Variants in SASH1 observed in about 807,000 individuals in gnomAD.
SASH1 encodes SAM and SH3 domain containing 1.
In SASH1, 44 loss-of-function variants were observed where a neutral mutation model predicts 125.2. The ratio of observed to expected loss-of-function variants is 0.35; its 90% CI spans 0.28 to 0.45. The LOEUF (loss-of-function observed/expected upper bound fraction) is 0.45, where lower values mean the gene tolerates loss of function less well. Ranked by LOEUF, SASH1 falls within the 20% of genes least tolerant of loss-of-function variation. SASH1 has a pLI of 1.00. For synonymous variants in SASH1, 639 were observed against 649.1 expected (o/e 0.98, Z 0.24); for missense variants, 1,426 against 1,614.5 (o/e 0.88, Z 2.00).
intron 4 of SASH1, among the ~76,000 whole-genome samples, chr6:148,457,164 T>A (rs1777398057): frequency 6.6e-6 from 1 of 151,614 alleles, no homozygotes; most frequent in African/African-American, 2.4e-5. Flanking sequence ...AAAAGCAGAA[T>A]TTCAAGGCCC....
chr6:148,329,145 TCTCTTTG>T (rs1417848725), intron 1 of SASH1, among the ~76,000 whole-genome samples: 5 of 152,210 alleles, frequency 3.3e-5, no homozygotes, highest in Non-Finnish European at 7.3e-5. Context: ...TTGTTAAGTG[TCTCTTTG>T]CTATTGGAAT....
At chr6:148,434,264 AT>A (rs1192490506) in intron 2 of SASH1, among the ~76,000 whole-genome samples, 3 of 151,826 alleles carry the variant, frequency 2.0e-5, no homozygotes, top group Non-Finnish European at 2.9e-5. Context: ...TTTAGTAGAG[AT>A]GGGGTTTCAC....
At chr6:148,318,443 ATTTG>A (rs1780539088) in intron 1 of SASH1, among the ~76,000 whole-genome samples, 1 of 151,962 alleles carries the variant, frequency 6.6e-6, no homozygotes, top group Admixed American at 6.6e-5. Flanking sequence ...ACATTCATTT[ATTTG>A]TTTGTTCAAA....
In SASH1 at chr6:148,544,104, G is replaced by A. The variant is rs756703145; in HGVS notation, c.2634G>A (p.Lys878=). The A allele has an allele frequency of 1.2e-6, 2 of 1,613,948 alleles. No homozygotes were observed. Among genetic ancestry groups the A allele is most frequent in the African/African-American group, 2.7e-5 (2 of 74,882 alleles). The change falls in exon 18 of 20, where the codon AAG becomes AAA. Residue 878 remains lysine, a synonymous_variant. Coordinates refer to ENST00000367467, the MANE Select transcript of SASH1 (RefSeq NM_015278.5). The surrounding 1 kb of genome is among the most constrained non-coding windows in gnomAD (Gnocchi z 6.4). ...VPQKTTASST[K]AQPLEQDSAV... Reference sequence around the variant, plus strand: ...AGAAGACGACCGCCTCTTCCACGAAGGCCCAGCCCCTGGAGCAAGACTCTG... The same window carrying A: ...AGAAGACGACCGCCTCTTCCACGAAAGCCCAGCCCCTGGAGCAAGACTCTG...
Position 148,495,787 on chromosome 6 carries a change from T to A in SASH1, c.729+8072T>A, listed in dbSNP as rs1204814776. Among the ~76,000 whole-genome samples, 1 of 152,200 alleles carries A rather than the reference T, an allele frequency of 6.6e-6. No homozygotes were observed. Among genetic ancestry groups the A allele is most frequent in the African/African-American group, 2.4e-5 (1 of 41,436 alleles). ...CGGCGTTGTAGGTCCGGTGAAAGTATCCCCAAGAAAATGATGGATTTTATT... is the reference window on the plus strand; with the variant it reads ...CGGCGTTGTAGGTCCGGTGAAAGTAACCCCAAGAAAATGATGGATTTTATT... On this transcript the variant is annotated intron_variant, in intron 8 of 19. Transcript: ENST00000367467. The surrounding 1 kb of genome is among the most constrained non-coding windows in gnomAD (Gnocchi z 4.0).
intron 1 of SASH1, among the ~76,000 whole-genome samples, chr6:148,336,672 A>G (rs1781165384): frequency 6.6e-6 from 1 of 152,220 alleles, no homozygotes; most frequent in Non-Finnish European, 1.5e-5. Context: ...CAAACATTTG[A>G]TTGGATATAA....
At chr6:148,284,446 A>C (rs1332843442) in intron 1 of SASH1, among the ~76,000 whole-genome samples, 1 of 152,222 alleles carries the variant, frequency 6.6e-6, no homozygotes, top group African/African-American at 2.4e-5. Context: ...CCCAAAAAAA[A>C]ATAAAGTAAT....
chr6:148,282,612 C>A (rs992490880), intron 1 of SASH1, among the ~76,000 whole-genome samples: 11 of 151,914 alleles, frequency 7.2e-5, no homozygotes, highest in African/African-American at 2.7e-4. Flanking sequence ...GAACTCCTGA[C>A]CTTGTGATCC....
chr6:148,316,687 A>G (rs559681497), intron 1 of SASH1, among the ~76,000 whole-genome samples: 122 of 152,282 alleles, frequency 8.0e-4, no homozygotes, highest in Non-Finnish European at 1.6e-3. Flanking sequence ...GGCATTTGAC[A>G]CCATTGGTTT....
chr6:148,527,394 A>G (rs1781240933), intron 11 of SASH1, 59 bp from the exon 12 acceptor site: 1 of 1,476,108 alleles, frequency 6.8e-7, no homozygotes, highest in South Asian at 1.4e-5. Context: ...TGGTTTAAAT[A>G]ATAAAACCTG....
chr6:148,255,343 C>T, the SASH1 span, among the ~76,000 whole-genome samples: 4 of 152,144 alleles, frequency 2.6e-5, no homozygotes, highest in Admixed American at 2.6e-4. Flanking sequence ...ACACATTCCT[C>T]GGGTCTCTTC....
intron 2 of SASH1, among the ~76,000 whole-genome samples, chr6:148,394,112 C>T (rs1018948351): frequency 2.0e-5 from 3 of 151,974 alleles, no homozygotes; most frequent in Non-Finnish European, 4.4e-5. Context: ...AGGGTGGCCT[C>T]GAACTCCCGA....
chr6:148,518,435 GC>G (rs1451855496), intron 9 of SASH1, among the ~76,000 whole-genome samples: 1 of 152,140 alleles, frequency 6.6e-6, no homozygotes, highest in Non-Finnish European at 1.5e-5. Flanking sequence ...GGGAAAGTAA[GC>G]CATTTTTAGA....
At chr6:148,403,312 C>G (rs1364029439) in intron 2 of SASH1, among the ~76,000 whole-genome samples, 1 of 151,792 alleles carries the variant, frequency 6.6e-6, no homozygotes, top group Non-Finnish European at 1.5e-5. Context: ...ACTATGTTGC[C>G]TGGTCTGGCC....
At chr6:148,433,246 C>T (rs547161712) in intron 2 of SASH1, among the ~76,000 whole-genome samples, 9 of 152,128 alleles carry the variant, frequency 5.9e-5, no homozygotes, top group South Asian at 2.1e-4. Flanking sequence ...CATACTATAG[C>T]GGAGCCTCTT....
chr6:148,513,885 A>C, intron 8 of SASH1: 1 of 986,284 alleles, frequency 1.0e-6, no homozygotes, highest in Non-Finnish European at 1.2e-6. Context: ...AAAAGCCAAC[A>C]GAATTTTGGT....
chr6:148,416,094 G>A (rs6910915), intron 2 of SASH1, among the ~76,000 whole-genome samples: 1 of 152,084 alleles, frequency 6.6e-6, no homozygotes, highest in African/African-American at 2.4e-5. Flanking sequence ...CAGGTTACAG[G>A]CATCACAGAT....
chr6:148,368,165 G>T (rs1421896802), intron 1 of SASH1, among the ~76,000 whole-genome samples: 2 of 152,232 alleles, frequency 1.3e-5, no homozygotes, highest in Non-Finnish European at 2.9e-5. Context: ...TAAGCAGTAA[G>T]GTTAGCTTAA....
the SASH1 span, among the ~76,000 whole-genome samples, chr6:148,258,009 GT>G: frequency 6.6e-6 from 1 of 152,234 alleles, no homozygotes; most frequent in Non-Finnish European, 1.5e-5. Flanking sequence ...TGCACTCCCA[GT>G]GCTTTGCCCA....
Sources: gnomAD v4.1 joint callset for allele counts (sites outside exome capture counted in the v4.1 genomes callset) on GRCh38, gnomAD v4.1.1 for gene constraint, Gnocchi (gnomAD v3.1) non-coding constraint, MANE v1.5 for transcripts, NCBI Gene and HGNC (gene_info 2026-07-23, HGNC 2026-07-21) for gene names.